FBF1: variants seen among roughly 807,000 people sequenced by gnomAD.
FBF1 encodes Fas binding factor 1.
A neutral mutation model predicts 147.2 loss-of-function variants in FBF1; 119 were observed. The ratio of observed to expected loss-of-function variants is 0.81; its 90% CI spans 0.70 to 0.94. FBF1 has a LOEUF of 0.94. Among genes scored for constraint, FBF1 ranks in the 40% least tolerant of loss-of-function variants. The pLI is 0.00. For missense variants in FBF1, 1,449 were observed against 1,500.8 expected (o/e 0.97, Z 0.57); for synonymous variants, 601 against 609.0 (o/e 0.99, Z 0.19).
At chr17:75,930,078 T>C in intron 6 of FBF1, 31 bp from the exon 7 acceptor site, 1 of 1,531,592 alleles carries the variant, frequency 6.5e-7, no homozygotes, top group South Asian at 1.2e-5. Context: ...AGGACACAGA[T>C]GAGGAGGCAC....
chr17:75,909,829 G>C lies in FBF1; in HGVS notation c.*894C>G. ...ACAGGAAACATTTTCTAAGAAATAAGTATAAACTCCGATGAGCCATGGCAA... is the reference window on the plus strand; with the variant it reads ...ACAGGAAACATTTTCTAAGAAATAACTATAAACTCCGATGAGCCATGGCAA... On this transcript the variant is annotated 3_prime_UTR_variant, in exon 30 of 30. Coordinates refer to ENST00000636174, the MANE Select transcript of FBF1 (RefSeq NM_001319193.2). 1 of 683,150 alleles carries C rather than the reference G, an allele frequency of 1.5e-6. No homozygotes were observed. 42.3% of individuals were successfully genotyped at this position (683,150 alleles called of 1,614,324 possible). A position where few individuals can be genotyped will look rare whatever the true frequency, so the allele number is the denominator to read the frequency against.
chr17:75,935,974 G>A (rs1330237712), intron 3 of FBF1, among the ~76,000 whole-genome samples: 2 of 150,690 alleles, frequency 1.3e-5, no homozygotes, highest in Admixed American at 6.7e-5. Flanking sequence ...TCAGGAGTTC[G>A]AGACCAGCCT....
chr17:75,929,297 C>T lies in FBF1; in HGVS notation c.279+700G>A, dbSNP rs143963925. Among the ~76,000 whole-genome samples, 136 of 152,134 alleles carry T rather than the reference C, an allele frequency of 8.9e-4. 1 individual carries two copies. The East Asian group carries it at 0.025, about 28-fold the overall frequency. The stretch of plus-strand genomic sequence containing the variant: ...GTTGCAATGAGATCACACCACTGCA[C>T]TCCAGCCTGGGTGATAGAATGCGAT... On this transcript the variant is annotated intron_variant, in intron 7 of 29. Coordinates refer to ENST00000636174, the MANE Select transcript of FBF1 (RefSeq NM_001319193.2).
intron 7 of FBF1, 52 bp downstream of exon 7, chr17:75,929,945 A>ACCCCCCCCCCCCCCCC: frequency 6.1e-6 from 4 of 650,912 alleles, no homozygotes; most frequent in Non-Finnish European, 8.4e-6. Context: ...AAATATCATG[A>ACCCCCCCCCCCCCCCC]CCCCACCCCA....
At chr17:75,911,016 T>G (rs1599478658) in intron 29 of FBF1, among the ~76,000 whole-genome samples, 1 of 152,218 alleles carries the variant, frequency 6.6e-6, no homozygotes, top group African/African-American at 2.4e-5. Flanking sequence ...ACTTGTTTGC[T>G]GTGGAACTTA....
At chr17:75,934,706 C>A (rs1415972172) in intron 4 of FBF1, among the ~76,000 whole-genome samples, 1 of 151,804 alleles carries the variant, frequency 6.6e-6, no homozygotes, top group Non-Finnish European at 1.5e-5. Flanking sequence ...TGGAGAAACC[C>A]CCATCTCTAC....
At chr17:75,938,048 C>T (rs772739190) in intron 2 of FBF1, 99 bp downstream of exon 2, 60 of 1,553,358 alleles carry the variant, frequency 3.9e-5, no homozygotes, top group East Asian at 9.4e-5. Flanking sequence ...TGGTCCTTGC[C>T]GCCCAGCCCC....
chr17:75,912,107 G>A, intron 29 of FBF1, 85 bp downstream of exon 29: 1 of 1,359,758 alleles, frequency 7.4e-7, no homozygotes, highest in Non-Finnish European at 1.0e-6. Flanking sequence ...CCCCTCCCCA[G>A]GGCTACCATG....
chr17:75,921,668 G>T, intron 15 of FBF1, 108 bp from the exon 16 acceptor site: 1 of 466,548 alleles, frequency 2.1e-6, no homozygotes, highest in South Asian at 1.9e-5. Context: ...AGGGTGGGCA[G>T]CCTCTACGTG....
rs764654652 is a variant in FBF1, at chr17:75,919,915, G to A, written c.1932-41C>T. ...CCAGCCATGGCGCAAGGAAGGCAGA[G>A]GGCTGCCGCCTAAAGGCCTCTCCAG... On this transcript the variant is annotated intron_variant, in intron 19 of 29. Transcript: ENST00000636174. The surrounding 1 kb of genome is among the most constrained non-coding windows in gnomAD (Gnocchi z 5.0). 8 of 1,612,866 alleles carry A rather than the reference G, an allele frequency of 5.0e-6. No individual in the cohort carries two copies. The highest frequency in any genetic ancestry group is 4.0e-5 in the African/African-American group (3 of 74,926).
At position 75,910,129 on chromosome 17, in the gene FBF1, G is replaced by A. The variant is rs1485981197; in HGVS notation, c.*594C>T. Reference sequence around the variant, plus strand: ...TGGTTGGTCCTTCGGGCAATGCTGGGAATAGGGTGGGGGCTCTGGGCAAGC... The same window carrying A: ...TGGTTGGTCCTTCGGGCAATGCTGGAAATAGGGTGGGGGCTCTGGGCAAGC... On this transcript the variant is annotated 3_prime_UTR_variant, in exon 30 of 30. Coordinates refer to ENST00000636174, the MANE Select transcript of FBF1 (RefSeq NM_001319193.2). This position sits in a 1 kb window ranked among gnomAD's most constrained non-coding sequence, Gnocchi z 4.1. 36 of 483,824 alleles carry A rather than the reference G, an allele frequency of 7.4e-5. No homozygotes were observed. The Admixed American group carries it at 8.6e-4, about 12-fold the overall frequency. The allele number at this position is 483,824 out of a possible 1,614,324, so 30.0% of individuals were successfully genotyped here. A position where few individuals can be genotyped will look rare whatever the true frequency, so the allele number is the denominator to read the frequency against.
At chr17:75,939,114 G>A (rs1029605984) in intron 1 of FBF1, among the ~76,000 whole-genome samples, 6 of 151,680 alleles carry the variant, frequency 4.0e-5, no homozygotes, top group Non-Finnish European at 7.4e-5. Flanking sequence ...TGACCAACAT[G>A]GTGAAACCCC....
Position 75,920,059 on chromosome 17 carries a change from TC to T in FBF1, c.1878del (p.Ser627ValfsTer24), listed in dbSNP as rs763994571. 1 of 1,600,486 alleles carries T rather than the reference TC, an allele frequency of 6.2e-7. No individual in the cohort carries two copies. Among genetic ancestry groups the T allele is most frequent in the East Asian group, 2.3e-5 (1 of 44,062 alleles). On this transcript the variant is annotated frameshift_variant, in exon 19 of 30. Coordinates refer to ENST00000636174, the MANE Select transcript of FBF1 (RefSeq NM_001319193.2). LOFTEE classifies it high-confidence loss of function. ...TCTGCCTGGTGCTGCTGCTGCAGAC[TC>T]CCCAGCAGCAGCTCATGCTGGGCCC... ...LERAQHELLL[G>X]SLQQQHQADL...
intron 2 of FBF1, 165 bp downstream of exon 2, chr17:75,937,982 G>T: frequency 9.7e-7 from 1 of 1,031,958 alleles, no homozygotes; most frequent in Non-Finnish European, 1.4e-6. Context: ...AACCTTGGTC[G>T]TCGAAAGTTT....
chr17:75,929,986 T>A lies in FBF1; in HGVS notation c.279+11A>T. On this transcript the variant is annotated intron_variant, in intron 7 of 29. Transcript: ENST00000636174. ...CCCCAGTTCTAAGAATCGTGCAAGCTGTTTCCTTACCTTCATGGCCTGGAG... is the reference window on the plus strand; with the variant it reads ...CCCCAGTTCTAAGAATCGTGCAAGCAGTTTCCTTACCTTCATGGCCTGGAG... 9.2e-7 allele frequency: 1 copy of A among 1,087,312 alleles called. No individual in the cohort carries two copies. Among genetic ancestry groups the A allele is most frequent in the Non-Finnish European group, 1.2e-6 (1 of 816,242 alleles). The allele number at this position is 1,087,312 out of a possible 1,614,324, so 67.4% of individuals were successfully genotyped here. A position where few individuals can be genotyped will look rare whatever the true frequency, so the allele number is the denominator to read the frequency against.
chr17:75,927,477 C>T lies in FBF1; in HGVS notation c.453G>A (p.Gln151=). Residue 151 remains glutamine (Q), a synonymous_variant, in exon 9 of 30, where the codon CAG becomes CAA. Transcript: ENST00000636174. ...SLPSPSSSGH[Q]NRRFSSEDLE... ...TACCTTCAGAGGAAAACCTCCTGTTCTGATGCCCAGAGCTGCTGGGAGACG... is the reference window on the plus strand; with the variant it reads ...TACCTTCAGAGGAAAACCTCCTGTTTTGATGCCCAGAGCTGCTGGGAGACG... 1 of 1,600,368 alleles carries T rather than the reference C, an allele frequency of 6.2e-7. No individual in the cohort carries two copies. The highest frequency in any genetic ancestry group is 1.1e-5 in the South Asian group (1 of 88,266).
rs945840947 is a variant in FBF1 at position 75,919,082 on chromosome 17, T to C, written c.2138+586A>G. On this transcript the variant is annotated intron_variant, in intron 20 of 29. Coordinates refer to ENST00000636174, the MANE Select transcript of FBF1 (RefSeq NM_001319193.2). The surrounding 1 kb of genome is among the most constrained non-coding windows in gnomAD (Gnocchi z 5.0). ...GCTGTCATGCCAGCTTATTTAAAAA[T>C]TGTTTTTAGAGATGAGGTCTCACTG... Among the ~76,000 whole-genome samples, 3 of 151,840 alleles carry C rather than the reference T, an allele frequency of 2.0e-5. No individual in the cohort carries two copies. The highest frequency in any genetic ancestry group is 6.6e-5 in the Admixed American group (1 of 15,224).
chr17:75,937,015 A>C (rs764984987), intron 3 of FBF1, among the ~76,000 whole-genome samples: 26 of 152,058 alleles, frequency 1.7e-4, no homozygotes, highest in Non-Finnish European at 3.4e-4. Context: ...CCTGAATCCC[A>C]ACCACATATT....
rs749865465 is a variant in FBF1 at position 75,914,776 on chromosome 17, G to A, written c.2785C>T (p.Arg929Trp). 1.3e-6 allele frequency: 2 copies of A among 1,589,130 alleles called. No individual in the cohort carries two copies. The highest frequency in any genetic ancestry group is 8.6e-7 in the Non-Finnish European group (1 of 1,169,000). ...GCCAGGCTGATGAGGGTGCCCTCCC[G>A]CTGGGTGTCCACCTGCAATGCCCGC... The part of the protein sequence containing the change: ...AERALQVDTQ[R>W]EGTLISLAKE... The change falls in exon 25 of 30, where the codon CGG becomes TGG. Residue 929 changes from arginine (R) to tryptophan (W), a missense_variant. Arg to Trp is a moderately radical substitution (Grantham distance 101, BLOSUM62 -3). Transcript: ENST00000636174.
Sources: gnomAD v4.1 joint callset for allele counts (sites outside exome capture counted in the v4.1 genomes callset) on GRCh38, gnomAD v4.1.1 for gene constraint, Gnocchi (gnomAD v3.1) non-coding constraint, MANE v1.5 for transcripts, NCBI Gene and HGNC (gene_info 2026-07-23, HGNC 2026-07-21) for gene names.